The following STMND1 variants were observed in gnomAD, a reference collection of about 807,000 sequenced individuals.
The protein encoded by STMND1 is stathmin domain-containing protein 1.
Under a neutral mutation model 23.0 loss-of-function variants are expected in STMND1, and 17 were observed. That is an observed-to-expected ratio of 0.74 (90% CI 0.51 to 1.11). STMND1 has a LOEUF of 1.11. Ranked by LOEUF, STMND1 falls within the 50% of genes least tolerant of loss-of-function variation. The probability of loss-of-function intolerance (pLI) is 0.00; values close to 1 mark genes in which losing one functional copy is unlikely to be tolerated. For missense variants in STMND1, 305 were observed against 329.1 expected (o/e 0.93, Z 0.57); for synonymous variants, 114 against 119.9 (o/e 0.95, Z 0.32).
chr6:17,126,883 T>TCTTGCCC (rs1761314428), intron 3 of STMND1, among the ~76,000 whole-genome samples: 1 of 152,350 alleles, frequency 6.6e-6, no homozygotes, highest in African/African-American at 2.4e-5. Context: ...TTCACAGGCC[T>TCTTGCCC]CTTGCCCCTT....
At chr6:17,125,962 T>C (rs10949406) in intron 3 of STMND1, among the ~76,000 whole-genome samples, 43,951 of 145,904 alleles carry the variant, frequency 0.3, 6,889 homozygotes, top group Middle Eastern at 0.34. Flanking sequence ...CTTCTGTAGG[T>C]TGATTTTGTT....
chr6:17,123,491 G>A (rs1228716802), intron 3 of STMND1, among the ~76,000 whole-genome samples: 1 of 152,088 alleles, frequency 6.6e-6, no homozygotes, highest in East Asian at 1.9e-4. Context: ...CCGGTACATT[G>A]GAGTCACCTG....
At position 17,129,004 on chromosome 6, in the gene STMND1, C is replaced by T. The variant is rs1761347604; in HGVS notation, c.412-108C>T. On this transcript the variant is annotated intron_variant, in intron 3 of 4. Coordinates refer to ENST00000536551, the MANE Select transcript of STMND1 (RefSeq NM_001190766.2). ...CCGGGATTACAGGCATGAGCCACTG[C>T]ACCCAGACTAGAATTTACATTTTAA... 4.2e-6 allele frequency: 5 copies of T among 1,202,834 alleles called. No individual in the cohort carries two copies. In the East Asian group the frequency reaches 1.4e-4, roughly 33 times the overall value. 74.5% of individuals were successfully genotyped at this position (1,202,834 alleles called of 1,614,324 possible). A position where few individuals can be genotyped will look rare whatever the true frequency, so the allele number is the denominator to read the frequency against.
intron 1 of STMND1, among the ~76,000 whole-genome samples, chr6:17,103,725 C>T (rs1760976806): frequency 6.6e-6 from 1 of 152,066 alleles, no homozygotes; most frequent in African/African-American, 2.4e-5. Context: ...GCGTGCGCCA[C>T]CACGCCCAGC....
intron 3 of STMND1, among the ~76,000 whole-genome samples, chr6:17,121,289 T>C (rs1274074690): frequency 1.3e-5 from 2 of 152,216 alleles, no homozygotes; most frequent in Non-Finnish European, 2.9e-5. Flanking sequence ...ACCACCCTTC[T>C]TTGTGGACTC....
chr6:17,105,121 G>A (rs1761004941), intron 1 of STMND1, among the ~76,000 whole-genome samples: 1 of 152,120 alleles, frequency 6.6e-6, no homozygotes, highest in South Asian at 2.1e-4. Flanking sequence ...AGAAGGATGT[G>A]CATAGATTAT....
At chr6:17,102,438 G>C in intron 1 of STMND1, 100 bp downstream of exon 1, 7 of 1,425,912 alleles carry the variant, frequency 4.9e-6, no homozygotes, top group Non-Finnish European at 5.7e-6. Flanking sequence ...GAGTTGGCTG[G>C]AGCAGGGTCG....
rs1156490967 is a variant in STMND1, at chr6:17,121,095, G to T, written c.411+337G>T. Among the ~76,000 whole-genome samples the T allele has an allele frequency of 2.6e-5, 4 of 152,120 alleles. No homozygotes were observed. In the East Asian group the frequency reaches 5.8e-4, roughly 22 times the overall value. On this transcript the variant is annotated intron_variant, in intron 3 of 4. Transcript: ENST00000536551. ...AATCTGATGGTTTTATAAGTGTCTG[G>T]CATTTTCCCTGCTTGCACTCATTCT...
intron 1 of STMND1, among the ~76,000 whole-genome samples, chr6:17,105,697 C>T (rs1399055051): frequency 1.3e-5 from 2 of 150,764 alleles, no homozygotes; most frequent in Non-Finnish European, 2.9e-5. Context: ...GAGGCTGAGG[C>T]GGGCAGATCA....
chr6:17,111,580 C>T (rs946057913), intron 1 of STMND1, among the ~76,000 whole-genome samples: 11 of 152,058 alleles, frequency 7.2e-5, no homozygotes, highest in African/African-American at 2.2e-4. Context: ...CTAAATAGAG[C>T]GAGGTAGACC....
At chr6:17,112,903 T>G (rs1057333965) in intron 1 of STMND1, among the ~76,000 whole-genome samples, 2 of 152,244 alleles carry the variant, frequency 1.3e-5, no homozygotes, top group Non-Finnish European at 2.9e-5. Flanking sequence ...ATATGAGGGT[T>G]CCAATTTCTC....
At chr6:17,111,633 G>T (rs1340546757) in intron 1 of STMND1, among the ~76,000 whole-genome samples, 1 of 152,104 alleles carries the variant, frequency 6.6e-6, no homozygotes, top group African/African-American at 2.4e-5. Flanking sequence ...ATATTGTTAA[G>T]CAGGTTACAG....
At chr6:17,111,975 T>C (rs1366834305) in intron 1 of STMND1, among the ~76,000 whole-genome samples, 1 of 152,174 alleles carries the variant, frequency 6.6e-6, no homozygotes, top group Non-Finnish European at 1.5e-5. Flanking sequence ...CCTAATCAAC[T>C]CTCAAAGGTC....
intron 3 of STMND1, among the ~76,000 whole-genome samples, chr6:17,122,049 G>C (rs1158087674): frequency 6.6e-6 from 1 of 152,034 alleles, no homozygotes; most frequent in South Asian, 2.1e-4. Context: ...TTTTAGTAGA[G>C]ACAGGATTTC....
At chr6:17,118,798 C>T (rs566853559) in intron 2 of STMND1, among the ~76,000 whole-genome samples, 21 of 152,190 alleles carry the variant, frequency 1.4e-4, no homozygotes, top group Middle Eastern at 6.8e-3. Flanking sequence ...TTGGATGTAG[C>T]CCTGGATAAC....
At chr6:17,129,981 C>T (rs1247349764) in intron 4 of STMND1, among the ~76,000 whole-genome samples, 2 of 152,188 alleles carry the variant, frequency 1.3e-5, no homozygotes, top group African/African-American at 4.8e-5. Flanking sequence ...GCCTCTGTGC[C>T]TGGCCTGTAG....
rs1228004789 is a variant in STMND1 at position 17,102,352 on chromosome 6, A to G, written c.81+14A>G. ...GAGGAATTCAAGGTAATAAACAAAC[A>G]AACAAACAAACAAACAAACAGACAG... On this transcript the variant is annotated intron_variant, in intron 1 of 4. Transcript: ENST00000536551. 1.3e-6 allele frequency: 2 copies of G among 1,532,850 alleles called. No homozygotes were observed. Among genetic ancestry groups the G allele is most frequent in the Non-Finnish European group, 1.7e-6 (2 of 1,145,378 alleles). The allele number at this position is 1,532,850 out of a possible 1,614,324, so 95.0% of individuals were successfully genotyped here.
At chr6:17,129,637 G>T (rs558898753) in intron 4 of STMND1, among the ~76,000 whole-genome samples, 1 of 152,200 alleles carries the variant, frequency 6.6e-6, no homozygotes, top group East Asian at 1.9e-4. Flanking sequence ...GAGGTCAGGA[G>T]ATTGAGACCA....
intron 1 of STMND1, among the ~76,000 whole-genome samples, chr6:17,111,804 T>C (rs1329959251): frequency 6.6e-6 from 1 of 152,190 alleles, no homozygotes; most frequent in Non-Finnish European, 1.5e-5. Context: ...TTCTTTCTCA[T>C]AGGAAGTCCA....
Sources: gnomAD v4.1 joint callset for allele counts (sites outside exome capture counted in the v4.1 genomes callset) on GRCh38, gnomAD v4.1.1 for gene constraint, MANE v1.5 for transcripts, NCBI Gene and HGNC (gene_info 2026-07-23, HGNC 2026-07-21) for gene names.